Variants in CCDC146 observed in about 807,000 individuals in gnomAD.
The protein encoded by CCDC146 is coiled-coil domain-containing protein 146.
Under a neutral mutation model 119.3 loss-of-function variants are expected in CCDC146, and 92 were observed. The observed-to-expected ratio is 0.77, with a 90% confidence interval of 0.65 to 0.92. The LOEUF is 0.92. Ranked by LOEUF, CCDC146 falls within the 40% of genes least tolerant of loss-of-function variation. CCDC146 has a pLI of 0.00. For synonymous variants in CCDC146, 372 were observed against 371.8 expected, an observed-to-expected ratio of 1.00 and a Z score of -0.01; for missense variants, 1,000 against 1,103.0, an observed-to-expected ratio of 0.91 and a Z score of 1.32.
intron 2 of CCDC146, among the ~76,000 whole-genome samples, chr7:77,176,124 A>C (rs1409830926): frequency 1.3e-5 from 2 of 151,182 alleles, no homozygotes; most frequent in Non-Finnish European, 2.9e-5. Flanking sequence ...CATACTTGGA[A>C]TATCTTCATG....
At chr7:77,248,192 C>G (rs918925304) in intron 4 of CCDC146, among the ~76,000 whole-genome samples, 1 of 152,186 alleles carries the variant, frequency 6.6e-6, no homozygotes, top group African/African-American at 2.4e-5. Flanking sequence ...CCAAATACCA[C>G]ATGTTCTCAT....
Position 77,160,317 on chromosome 7 carries a change from T to C in CCDC146, c.-11-7341T>C, listed in dbSNP as rs557613166. Among the ~76,000 whole-genome samples, 659 of 152,306 alleles carry C rather than the reference T, an allele frequency of 4.3e-3. 7 individuals carry two copies. The highest frequency in any genetic ancestry group is 0.015 in the African/African-American group (613 of 41,564). On this transcript the variant is annotated intron_variant, in intron 1 of 18. Coordinates refer to ENST00000285871, the MANE Select transcript of CCDC146 (RefSeq NM_020879.3). Reference sequence around the variant, plus strand: ...CCAATTCTGTGAAGAAAGTAATTGGTAGCTTGATGGGGATGGCATTGAATC... The same window carrying C: ...CCAATTCTGTGAAGAAAGTAATTGGCAGCTTGATGGGGATGGCATTGAATC...
chr7:77,245,709 T>C (rs944994114), intron 4 of CCDC146, among the ~76,000 whole-genome samples: 4 of 152,134 alleles, frequency 2.6e-5, no homozygotes, highest in Non-Finnish European at 2.9e-5. Flanking sequence ...ATAGCAAAGT[T>C]GGAACCAAGA....
intron 2 of CCDC146, among the ~76,000 whole-genome samples, chr7:77,210,791 G>A (rs1792165348): frequency 6.6e-6 from 1 of 152,184 alleles, no homozygotes. Context: ...ATGACAGAAG[G>A]CAAAGGGGAA....
At chr7:77,160,844 C>T (rs543278299) in intron 1 of CCDC146, among the ~76,000 whole-genome samples, 122 of 152,162 alleles carry the variant, frequency 8.0e-4, no homozygotes, top group Non-Finnish European at 1.4e-3. Context: ...TCAGAGTGAA[C>T]AGGAAACCTA....
At chr7:77,286,225 G>C (rs1230957334) in intron 15 of CCDC146, among the ~76,000 whole-genome samples, 2 of 152,192 alleles carry the variant, frequency 1.3e-5, no homozygotes, top group Non-Finnish European at 2.9e-5. Context: ...CATGGCGAGA[G>C]AGGAAGCAAG....
chr7:77,129,202 C>T (rs948476391), intron 1 of CCDC146, among the ~76,000 whole-genome samples: 3 of 152,154 alleles, frequency 2.0e-5, no homozygotes, highest in African/African-American at 4.8e-5. Flanking sequence ...CACTGTCTCA[C>T]TCCATCCTTT....
intron 2 of CCDC146, among the ~76,000 whole-genome samples, chr7:77,225,999 C>T (rs1429800800): frequency 6.6e-6 from 1 of 151,900 alleles, no homozygotes; most frequent in Non-Finnish European, 1.5e-5. Flanking sequence ...ACTGATGACT[C>T]AATGCCTAGG....
chr7:77,158,475 G>A (rs545237385), intron 1 of CCDC146, among the ~76,000 whole-genome samples: 2 of 151,946 alleles, frequency 1.3e-5, no homozygotes, highest in East Asian at 1.9e-4. Flanking sequence ...AATACAATGG[G>A]CTTTGCAATC....
At chr7:77,213,859 TCTAATC>T (rs1183501134) in intron 2 of CCDC146, among the ~76,000 whole-genome samples, 1 of 152,204 alleles carries the variant, frequency 6.6e-6, no homozygotes, top group Non-Finnish European at 1.5e-5. Context: ...ATTTTCTTTA[TCTAATC>T]CTAATGGATG....
rs146388920 is a variant in CCDC146, at chr7:77,212,888, G to A, written c.157-24059G>A. On this transcript the variant is annotated intron_variant, in intron 2 of 18. Coordinates refer to ENST00000285871, the MANE Select transcript of CCDC146 (RefSeq NM_020879.3). ...TAATCTGGATTTTGCTTAATAGTAAGCCTGTATTTCCATTATAATCATAGA... is the reference window on the plus strand; with the variant it reads ...TAATCTGGATTTTGCTTAATAGTAAACCTGTATTTCCATTATAATCATAGA... 3.4e-4 allele frequency among the ~76,000 whole-genome samples: 51 copies of A among 149,780 alleles called. 1 individual carries two copies. The East Asian group carries it at 9.4e-3, about 28-fold the overall frequency.
chr7:77,242,342 C>T (rs1382989822), intron 4 of CCDC146: 4 of 992,344 alleles, frequency 4.0e-6, no homozygotes, highest in Non-Finnish European at 4.8e-6. Context: ...ATCTGGCTCA[C>T]TCTATTCTTC....
At chr7:77,287,774 C>T (rs375287386) in intron 17 of CCDC146, among the ~76,000 whole-genome samples, 197 bp downstream of exon 17, 75 of 152,292 alleles carry the variant, frequency 4.9e-4, no homozygotes, top group African/African-American at 1.6e-3. Context: ...ATTCACTTCA[C>T]GGTGGCAAAA....
intron 7 of CCDC146, 75 bp downstream of exon 7, chr7:77,259,143 C>T: frequency 4.9e-6 from 4 of 814,482 alleles, no homozygotes; most frequent in Non-Finnish European, 8.1e-6. Context: ...GAGTACTAAC[C>T]ATTGGACACA....
intron 1 of CCDC146, among the ~76,000 whole-genome samples, chr7:77,159,513 A>G (rs1791226426): frequency 6.6e-6 from 1 of 152,004 alleles, no homozygotes; most frequent in Non-Finnish European, 1.5e-5. Flanking sequence ...ATATATCGCA[A>G]TTTCTTTGTC....
chr7:77,260,520 T>C (rs1793272634), intron 8 of CCDC146, among the ~76,000 whole-genome samples: 1 of 152,264 alleles, frequency 6.6e-6, no homozygotes, highest in African/African-American at 2.4e-5. Flanking sequence ...GAGTATGTTA[T>C]GTTCAGGGAT....
intron 2 of CCDC146, among the ~76,000 whole-genome samples, chr7:77,215,125 A>G (rs1168686629): frequency 6.6e-6 from 1 of 151,574 alleles, no homozygotes; most frequent in East Asian, 1.9e-4. Context: ...TTTCAAAATG[A>G]TTAATTGATT....
At chr7:77,272,262 CT>C (rs1478892474) in intron 9 of CCDC146, among the ~76,000 whole-genome samples, 2 of 152,176 alleles carry the variant, frequency 1.3e-5, no homozygotes, top group Admixed American at 6.5e-5. Flanking sequence ...AAGACCACAT[CT>C]CGTTTTCCTA....
At chr7:77,175,595 A>G (rs1318278009) in intron 2 of CCDC146, among the ~76,000 whole-genome samples, 5 of 151,342 alleles carry the variant, frequency 3.3e-5, no homozygotes, top group African/African-American at 9.8e-5. Context: ...CTTACAAAAT[A>G]TGTAATAGCA....
Sources: allele counts gnomAD v4.1 joint callset (sites outside exome capture counted in the v4.1 genomes callset), GRCh38; gene constraint gnomAD v4.1.1; transcripts MANE v1.5; gene names NCBI Gene and HGNC (gene_info 2026-07-23, HGNC 2026-07-21).